The following RAB2A variants were observed in gnomAD, a reference collection of about 807,000 sequenced individuals.
The protein encoded by RAB2A is RAB2A, member RAS oncogene family, also known as ras-related protein Rab-2A.
RAB2A carries 7 observed loss-of-function variants against 32.5 expected under a neutral mutation model. That is an observed-to-expected ratio of 0.22 (90% CI 0.12 to 0.40). The LOEUF is 0.40. RAB2A is among the 10% of genes least tolerant of loss of function. The pLI, the probability that RAB2A is intolerant of heterozygous loss-of-function variation, is 1.00. For missense variants in RAB2A, 108 were observed against 260.7 expected, an observed-to-expected ratio of 0.41 and a Z score of 4.03; for synonymous variants, 79 against 85.2, an observed-to-expected ratio of 0.93 and a Z score of 0.40.
chr8:60,583,905 G>C (rs556730333), intron 3 of RAB2A: 7 of 237,110 alleles, frequency 3.0e-5, no homozygotes, highest in African/African-American at 1.5e-4. Flanking sequence ...ATAATGATTC[G>C]TGTATTGTGA....
chr8:60,524,287 G>A lies in RAB2A; in HGVS notation c.46+7034G>A, dbSNP rs115570909. ...CTTCAGCTCTCCTCCTCTTGCAGTA[G>A]CCAGTCAGTTTGATGTTTTATTTGA... On this transcript the variant is annotated intron_variant, in intron 1 of 7. Coordinates refer to ENST00000262646, the MANE Select transcript of RAB2A (RefSeq NM_002865.3). Among the ~76,000 whole-genome samples the A allele has an allele frequency of 6.8e-4, 103 of 152,196 alleles. 1 individual carries two copies. The highest frequency in any genetic ancestry group is 2.3e-3 in the African/African-American group (96 of 41,522).
intron 5 of RAB2A, among the ~76,000 whole-genome samples, chr8:60,589,428 A>G (rs1173102038): frequency 6.6e-6 from 1 of 152,200 alleles, no homozygotes; most frequent in African/African-American, 2.4e-5. Flanking sequence ...GGAATAAGCA[A>G]TTTTTGAATT....
At chr8:60,598,114 C>T (rs141654715) in intron 6 of RAB2A, among the ~76,000 whole-genome samples, 1 of 152,188 alleles carries the variant, frequency 6.6e-6, no homozygotes, top group Admixed American at 6.5e-5. Flanking sequence ...AGGAAAATCG[C>T]TTGAACCCAG....
intron 1 of RAB2A, among the ~76,000 whole-genome samples, chr8:60,538,181 A>G (rs922941001): frequency 6.6e-5 from 10 of 152,306 alleles, no homozygotes; most frequent in Admixed American, 3.3e-4. Flanking sequence ...GTATTTTCCA[A>G]CTTTTTAAGA....
chr8:60,577,597 A>G (rs1803659464), intron 3 of RAB2A, among the ~76,000 whole-genome samples: 1 of 151,730 alleles, frequency 6.6e-6, no homozygotes, highest in Non-Finnish European at 1.5e-5. Context: ...TTTCCTCTCA[A>G]TTATAGCAGT....
chr8:60,553,964 A>G lies in RAB2A; in HGVS notation c.47-4888A>G, dbSNP rs150296787. Among the ~76,000 whole-genome samples, 657 of 152,306 alleles carry G rather than the reference A, an allele frequency of 4.3e-3. 4 individuals carry two copies. The highest frequency in any genetic ancestry group is 0.015 in the African/African-American group (616 of 41,548). On this transcript the variant is annotated intron_variant, in intron 1 of 7. Coordinates refer to ENST00000262646, the MANE Select transcript of RAB2A (RefSeq NM_002865.3). ...GTTCCTTTATAAAAGGTACCAGCAAAAAGATATGATATCATTTCAGGGGAC... is the reference window on the plus strand; with the variant it reads ...GTTCCTTTATAAAAGGTACCAGCAAGAAGATATGATATCATTTCAGGGGAC...
intron 1 of RAB2A, among the ~76,000 whole-genome samples, chr8:60,527,720 A>G (rs546447153): frequency 1.6e-4 from 24 of 152,256 alleles, no homozygotes; most frequent in African/African-American, 4.6e-4. Context: ...ATTTACCCTA[A>G]TCATAGTATC....
chr8:60,557,373 G>A (rs544323204), intron 1 of RAB2A, among the ~76,000 whole-genome samples: 25 of 152,076 alleles, frequency 1.6e-4, no homozygotes, highest in African/African-American at 4.3e-4. Context: ...AAAATTAATC[G>A]GGCATGGTGG....
intron 2 of RAB2A, among the ~76,000 whole-genome samples, chr8:60,565,622 G>GT (rs2130835361): frequency 7.1e-6 from 1 of 141,766 alleles, no homozygotes; most frequent in East Asian, 2.2e-4. Flanking sequence ...TAGAATAATA[G>GT]TTTAAAAGAC....
intron 1 of RAB2A, among the ~76,000 whole-genome samples, chr8:60,526,132 A>G (rs1234823127): frequency 6.6e-6 from 1 of 150,742 alleles, no homozygotes. Context: ...TTACGGTTCT[A>G]TAGTTCAGAA....
At chr8:60,546,254 TTTC>T (rs1365610835) in intron 1 of RAB2A, among the ~76,000 whole-genome samples, 1 of 152,256 alleles carries the variant, frequency 6.6e-6, no homozygotes, top group Non-Finnish European at 1.5e-5. Context: ...CTTTTTCTTT[TTTC>T]TTAAGCCTTC....
chr8:60,562,995 G>A (rs1808047287), intron 2 of RAB2A, among the ~76,000 whole-genome samples: 1 of 143,340 alleles, frequency 7.0e-6, no homozygotes, highest in South Asian at 2.2e-4. Flanking sequence ...ACCCATCACA[G>A]CAATTTATCT....
chr8:60,538,002 G>A (rs1244792866), intron 1 of RAB2A, among the ~76,000 whole-genome samples: 2 of 152,106 alleles, frequency 1.3e-5, no homozygotes. Context: ...TATTCTTCCT[G>A]ATTTTTCTTA....
intron 7 of RAB2A, among the ~76,000 whole-genome samples, chr8:60,620,181 C>G (rs1804505909): frequency 6.6e-6 from 1 of 152,220 alleles, no homozygotes; most frequent in South Asian, 2.1e-4. Flanking sequence ...AAGAACTACT[C>G]TGTGTGTGGG....
chr8:60,609,858 A>T (rs759566622), intron 6 of RAB2A, among the ~76,000 whole-genome samples: 1 of 149,960 alleles, frequency 6.7e-6, no homozygotes, highest in Admixed American at 6.7e-5. Context: ...ACTCCCAGCT[A>T]TGAGGTAGGA....
At chr8:60,546,463 AC>A (rs1365765441) in intron 1 of RAB2A, among the ~76,000 whole-genome samples, 5 of 152,224 alleles carry the variant, frequency 3.3e-5, no homozygotes, top group Non-Finnish European at 7.3e-5. Context: ...AGATCTCCAA[AC>A]AGGGAGAGAG....
At chr8:60,587,552 G>A (rs73261235) in intron 5 of RAB2A, among the ~76,000 whole-genome samples, 9,765 of 152,102 alleles carry the variant, frequency 0.064, 810 homozygotes, top group African/African-American at 0.19. Flanking sequence ...TTCAAAAGAC[G>A]GTTACACTAT....
chr8:60,596,286 A>C (rs149770220), intron 6 of RAB2A, among the ~76,000 whole-genome samples: 19 of 152,344 alleles, frequency 1.2e-4, no homozygotes, highest in African/African-American at 2.9e-4. Flanking sequence ...ACAAAAGCCA[A>C]AATTGACAAA....
intron 1 of RAB2A, among the ~76,000 whole-genome samples, chr8:60,555,824 C>T (rs1435559433): frequency 2.0e-5 from 3 of 152,154 alleles, no homozygotes; most frequent in Non-Finnish European, 4.4e-5. Context: ...ACAAAACTAC[C>T]ATATGATCCA....
Sources: allele counts gnomAD v4.1 joint callset (sites outside exome capture counted in the v4.1 genomes callset), GRCh38; gene constraint gnomAD v4.1.1; transcripts MANE v1.5; gene names NCBI Gene and HGNC (gene_info 2026-07-23, HGNC 2026-07-21).